The following GLIS3 variants were observed in gnomAD, a reference collection of about 807,000 sequenced individuals.
GLIS3 encodes GLIS family zinc finger 3, also known as zinc finger protein GLIS3.
In GLIS3, 53 loss-of-function variants were observed where a neutral mutation model predicts 78.6. The observed-to-expected ratio is 0.67, with a 90% CI of 0.54 to 0.85. The LOEUF is 0.85. Among genes scored for constraint, GLIS3 ranks in the 40% least tolerant of loss-of-function variants. GLIS3 has a pLI of 0.00. For missense variants in GLIS3, 1,703 were observed against 1,231.1 expected, an observed-to-expected ratio of 1.38 and a Z score of -5.74; for synonymous variants, 684 against 509.9, an observed-to-expected ratio of 1.34 and a Z score of -4.60.
chr9:3,926,914 T>C (rs1376845536), intron 6 of GLIS3, among the ~76,000 whole-genome samples: 3 of 152,180 alleles, frequency 2.0e-5, no homozygotes, highest in Non-Finnish European at 4.4e-5. Context: ...CGTGAGCCAT[T>C]GGGCCTGGCC....
chr9:3,939,381 T>C (rs1178538700), intron 4 of GLIS3, among the ~76,000 whole-genome samples: 1 of 152,232 alleles, frequency 6.6e-6, no homozygotes, highest in African/African-American at 2.4e-5. Flanking sequence ...ATAAACTATA[T>C]GTAAGAATAC....
chr9:4,391,854 G>A, the GLIS3 span, among the ~76,000 whole-genome samples: 13,082 of 152,134 alleles, frequency 0.086, 817 homozygotes, highest in East Asian at 0.26. Flanking sequence ...ATTCCTCAAA[G>A]ACCTAGAACC....
At chr9:4,459,941 G>T in the GLIS3 span, among the ~76,000 whole-genome samples, 1 of 152,266 alleles carries the variant, frequency 6.6e-6, no homozygotes, top group Non-Finnish European at 1.5e-5. Flanking sequence ...TGGTGGGGGA[G>T]AGGGAATGAC....
At chr9:3,901,565 A>G (rs546702339) in intron 6 of GLIS3, among the ~76,000 whole-genome samples, 2 of 152,346 alleles carry the variant, frequency 1.3e-5, no homozygotes, top group Non-Finnish European at 2.9e-5. Flanking sequence ...ACACACACAT[A>G]CAACAGTAAG....
chr9:3,891,630 G>T lies in GLIS3; in HGVS notation c.2128+7061C>A, dbSNP rs535530444. Among the ~76,000 whole-genome samples the T allele has an allele frequency of 2.6e-5, 4 of 152,244 alleles. No individual in the cohort carries two copies. In the South Asian group the frequency reaches 8.3e-4, roughly 32 times the overall value. On this transcript the variant is annotated intron_variant, in intron 7 of 10. Coordinates refer to ENST00000381971, the MANE Select transcript of GLIS3 (RefSeq NM_001042413.2). ...GGCAGGAGGATGACTTGAGCCCAGG[G>T]GTTCAAGGTTACAGTGAGCTATGAT... is the stretch of plus-strand genomic sequence containing the variant.
intron 2 of GLIS3, among the ~76,000 whole-genome samples, chr9:4,187,756 C>T (rs1391757588): frequency 6.6e-6 from 1 of 152,114 alleles, no homozygotes; most frequent in Non-Finnish European, 1.5e-5. Context: ...CTCTTTGAAG[C>T]AACTGTGAAT....
intron 4 of GLIS3, among the ~76,000 whole-genome samples, chr9:4,053,027 A>G (rs1159521422): frequency 6.6e-6 from 1 of 152,136 alleles, no homozygotes; most frequent in Non-Finnish European, 1.5e-5. Flanking sequence ...AGTTCACTGC[A>G]ATCTCTGCCT....
the GLIS3 span, among the ~76,000 whole-genome samples, chr9:4,388,566 C>T: frequency 2.0e-5 from 3 of 152,030 alleles, no homozygotes; most frequent in East Asian, 1.9e-4. Flanking sequence ...ATCCCAGCTA[C>T]GCAGGAGGCT....
At chr9:4,116,001 G>T (rs1186397461) in intron 4 of GLIS3, among the ~76,000 whole-genome samples, 1 of 152,128 alleles carries the variant, frequency 6.6e-6, no homozygotes, top group African/African-American at 2.4e-5. Flanking sequence ...TTCTTTCACT[G>T]AAGTATTTAT....
chr9:3,828,860 G>T (rs1037747958), intron 10 of GLIS3, among the ~76,000 whole-genome samples: 1 of 152,162 alleles, frequency 6.6e-6, no homozygotes, highest in Admixed American at 6.5e-5. Context: ...ATATGTGTGG[G>T]CAGGTGTGCA....
intron 6 of GLIS3, among the ~76,000 whole-genome samples, chr9:3,927,059 T>C (rs1336110009): frequency 1.3e-5 from 2 of 152,226 alleles, no homozygotes; most frequent in Non-Finnish European, 2.9e-5. Flanking sequence ...ATTGTTTCCT[T>C]ATCTGTATTT....
intron 9 of GLIS3, among the ~76,000 whole-genome samples, chr9:3,836,307 ATATT>A (rs1197508028): frequency 6.6e-6 from 1 of 152,244 alleles, no homozygotes. Flanking sequence ...GGAAGGATGT[ATATT>A]TATGAGCTTT....
chr9:4,218,737 C>T (rs903903464), intron 2 of GLIS3, among the ~76,000 whole-genome samples: 1 of 152,196 alleles, frequency 6.6e-6, no homozygotes, highest in Non-Finnish European at 1.5e-5. Flanking sequence ...TAAATAGCCA[C>T]ATGTGGCTAA....
At chr9:4,439,303 A>T in the GLIS3 span, among the ~76,000 whole-genome samples, 65 of 152,336 alleles carry the variant, frequency 4.3e-4, no homozygotes, top group Admixed American at 1.0e-3. Flanking sequence ...GCACACTCCA[A>T]TGTTTTTAGT....
At chr9:4,486,258 C>G in the GLIS3 span, among the ~76,000 whole-genome samples, 4 of 152,250 alleles carry the variant, frequency 2.6e-5, no homozygotes, top group African/African-American at 4.8e-5. Context: ...CCCCTGCCAC[C>G]GTCTCCCACA....
chr9:4,240,288 C>T (rs1263494475), intron 2 of GLIS3, among the ~76,000 whole-genome samples: 2 of 152,116 alleles, frequency 1.3e-5, no homozygotes, highest in African/African-American at 2.4e-5. Context: ...CCTAGATCCT[C>T]ACATGGGCAG....
intron 4 of GLIS3, among the ~76,000 whole-genome samples, chr9:4,019,686 C>A (rs1822717190): frequency 6.6e-6 from 1 of 152,052 alleles, no homozygotes; most frequent in African/African-American, 2.4e-5. Flanking sequence ...GGGAGATCGA[C>A]AATGTGAGAC....
intron 2 of GLIS3, among the ~76,000 whole-genome samples, chr9:4,316,916 C>T (rs12380848): frequency 0.35 from 53,699 of 151,966 alleles, 9,493 homozygotes; most frequent in East Asian, 0.46. Context: ...AGGAACTTAA[C>T]TCTTGTTTAT....
intron 2 of GLIS3, among the ~76,000 whole-genome samples, chr9:4,199,992 A>T (rs1015045785): frequency 1.3e-5 from 2 of 152,212 alleles, no homozygotes; most frequent in Non-Finnish European, 2.9e-5. Context: ...AACAGAAATC[A>T]ATACCAAGAA....
Sources: allele counts gnomAD v4.1 joint callset (sites outside exome capture counted in the v4.1 genomes callset), GRCh38; gene constraint gnomAD v4.1.1; transcripts MANE v1.5; gene names NCBI Gene and HGNC (gene_info 2026-07-23, HGNC 2026-07-21).